SYNPR: variants seen among roughly 807,000 people sequenced by gnomAD.
SYNPR encodes synaptoporin.
In SYNPR, 23 loss-of-function variants were observed where a neutral mutation model predicts 32.9. The observed-to-expected ratio is 0.70, with a 90% CI of 0.50 to 0.99. SYNPR has a LOEUF of 0.99. SYNPR is among the 50% of genes least tolerant of loss of function. SYNPR has a pLI of 0.00. For synonymous variants in SYNPR, 146 were observed against 135.9 expected, an observed-to-expected ratio of 1.07 and a Z score of -0.52; for missense variants, 318 against 349.3, an observed-to-expected ratio of 0.91 and a Z score of 0.71.
intron 2 of SYNPR, among the ~76,000 whole-genome samples, chr3:63,409,104 T>C (rs1185399981): frequency 6.6e-6 from 1 of 152,158 alleles, no homozygotes; most frequent in Non-Finnish European, 1.5e-5. Context: ...TCCAATGTTA[T>C]CATGGCATAA....
intron 2 of SYNPR, among the ~76,000 whole-genome samples, chr3:63,349,458 T>C (rs531845091): frequency 6.6e-6 from 1 of 152,352 alleles, no homozygotes; most frequent in African/African-American, 2.4e-5. Context: ...GTTTGTGACA[T>C]CTACAATTTC....
intron 4 of SYNPR, among the ~76,000 whole-genome samples, chr3:63,578,591 C>G (rs1159344062): frequency 1.3e-5 from 2 of 152,106 alleles, no homozygotes; most frequent in Non-Finnish European, 2.9e-5. Flanking sequence ...TCAAAGACAA[C>G]TTTCATGAAC....
intron 2 of SYNPR, among the ~76,000 whole-genome samples, chr3:63,469,995 T>C (rs142140976): frequency 0.014 from 2,112 of 152,320 alleles, 44 homozygotes; most frequent in African/African-American, 0.048. Context: ...AGATGTTGTC[T>C]ACATTTATGA....
rs578202363 is a variant in SYNPR at position 63,352,780 on chromosome 3, G to A, written c.84+74038G>A. ...GGGGGAAGACAAAGGAAGAACAAAG[G>A]GATGTCTTGCATGGTGGCAGACAAG... On this transcript the variant is annotated intron_variant, in intron 2 of 5. Transcript: ENST00000478300. Among the ~76,000 whole-genome samples, 39 of 152,274 alleles carry A rather than the reference G, an allele frequency of 2.6e-4. No homozygotes were observed. In the South Asian group the frequency reaches 6.8e-3, roughly 27 times the overall value.
intron 2 of SYNPR, among the ~76,000 whole-genome samples, chr3:63,312,371 T>G (rs1278497220): frequency 6.6e-6 from 1 of 152,000 alleles, no homozygotes; most frequent in East Asian, 1.9e-4. Context: ...AGTTGGGACC[T>G]AGGTGCTGCT....
chr3:63,431,895 G>A (rs1229742578), intron 2 of SYNPR, among the ~76,000 whole-genome samples: 1 of 144,922 alleles, frequency 6.9e-6, no homozygotes. Context: ...TGTATGCATT[G>A]CAGCAGGCAC....
intron 2 of SYNPR, among the ~76,000 whole-genome samples, chr3:63,314,671 GGTT>G (rs1560189370): frequency 6.6e-6 from 1 of 151,934 alleles, no homozygotes; most frequent in African/African-American, 2.4e-5. Flanking sequence ...CTACTCTGTG[GGTT>G]GTCTGTTTAC....
intron 2 of SYNPR, among the ~76,000 whole-genome samples, chr3:63,413,839 A>G (rs2088501708): frequency 1.3e-5 from 2 of 152,114 alleles, no homozygotes; most frequent in South Asian, 4.1e-4. Flanking sequence ...CCACTGCCCT[A>G]GAAGGATAAT....
chr3:63,220,438 C>T, the SYNPR span, among the ~76,000 whole-genome samples: 1 of 152,112 alleles, frequency 6.6e-6, no homozygotes, highest in Non-Finnish European at 1.5e-5. Flanking sequence ...CTGCACTCTG[C>T]TATGTGATGC....
At chr3:63,550,776 A>G (rs971029510) in intron 3 of SYNPR, among the ~76,000 whole-genome samples, 1 of 152,202 alleles carries the variant, frequency 6.6e-6, no homozygotes, top group Non-Finnish European at 1.5e-5. Context: ...TTTGTTTTAC[A>G]TATGGTTTAT....
chr3:63,400,268 A>G (rs2107100006), intron 2 of SYNPR, among the ~76,000 whole-genome samples: 1 of 152,370 alleles, frequency 6.6e-6, no homozygotes, highest in South Asian at 2.1e-4. Context: ...AAAGACATAA[A>G]ACAGCAATAG....
chr3:63,611,576 G>C (rs1575736939), intron 5 of SYNPR, among the ~76,000 whole-genome samples: 1 of 152,330 alleles, frequency 6.6e-6, no homozygotes, highest in South Asian at 2.1e-4. Context: ...AAGGCTGCCA[G>C]GAAGCTGGAC....
intron 2 of SYNPR, among the ~76,000 whole-genome samples, chr3:63,317,386 T>C (rs2087054741): frequency 6.6e-6 from 1 of 152,034 alleles, no homozygotes; most frequent in Non-Finnish European, 1.5e-5. Context: ...TTGGGTCTAT[T>C]GGTAATTGCT....
At chr3:63,274,945 T>C (rs577320450), upstream of SYNPR, among the ~76,000 whole-genome samples, 1 of 152,132 alleles carries the variant, frequency 6.6e-6, no homozygotes, top group Non-Finnish European at 1.5e-5. Flanking sequence ...CTGCAGTAAA[T>C]AAATGGATTG....
chr3:63,427,352 T>A (rs1699911995), intron 2 of SYNPR: 1 of 152,242 alleles, frequency 6.6e-6, no homozygotes, highest in Middle Eastern at 3.4e-3. Context: ...AAGTTCTCAG[T>A]AAAGAATAAA....
chr3:63,526,518 TTAA>T (rs1702016628), intron 3 of SYNPR, among the ~76,000 whole-genome samples: 1 of 152,234 alleles, frequency 6.6e-6, no homozygotes, highest in Non-Finnish European at 1.5e-5. Flanking sequence ...ATGAATGAAT[TTAA>T]TAATGTTTTA....
the SYNPR span, among the ~76,000 whole-genome samples, chr3:63,222,842 A>T: frequency 1.3e-5 from 2 of 152,176 alleles, no homozygotes; most frequent in Admixed American, 6.5e-5. Flanking sequence ...TTTTAAAAAT[A>T]AGTGCCAGCA....
chr3:63,486,545 T>C lies in SYNPR; in HGVS notation c.209+5589T>C, dbSNP rs142811337. 3.2e-4 allele frequency among the ~76,000 whole-genome samples: 49 copies of C among 152,224 alleles called. No homozygotes were observed. In the East Asian group the frequency reaches 8.9e-3, roughly 28 times the overall value. ...TTTCAGAGCTGAATCCTCTAAGGAGTTGCACTCAAATCTTGATCTCAGGGG... is the reference window on the plus strand; with the variant it reads ...TTTCAGAGCTGAATCCTCTAAGGAGCTGCACTCAAATCTTGATCTCAGGGG... On this transcript the variant is annotated intron_variant, in intron 3 of 5. Coordinates refer to ENST00000478300, the MANE Select transcript of SYNPR (RefSeq NM_001130003.2).
chr3:63,203,068 G>GTGTGTGTGTGTGTATATATA, the SYNPR span: 2 of 108,594 alleles, frequency 1.8e-5, no homozygotes, highest in South Asian at 5.1e-4. Flanking sequence ...ATATGTATGT[G>GTGTGTGTGTGTGTATATATA]TATATATATA....
Sources: allele counts gnomAD v4.1 joint callset (sites outside exome capture counted in the v4.1 genomes callset), GRCh38; gene constraint gnomAD v4.1.1; transcripts MANE v1.5; gene names NCBI Gene and HGNC (gene_info 2026-07-23, HGNC 2026-07-21).